CCDC85A: variants seen among roughly 807,000 people sequenced by gnomAD.
The protein encoded by CCDC85A is coiled-coil domain-containing protein 85A.
In CCDC85A, 38 loss-of-function variants were observed where a neutral mutation model predicts 50.2. That is an observed-to-expected ratio of 0.76 (90% CI 0.58 to 0.99). CCDC85A has a LOEUF of 0.99. Ranked by LOEUF, CCDC85A falls within the 50% of genes least tolerant of loss-of-function variation. The pLI, the probability that CCDC85A is intolerant of heterozygous loss-of-function variation, is 0.00. For missense variants in CCDC85A, 820 were observed against 742.0 expected, an observed-to-expected ratio of 1.11 and a Z score of -1.22; for synonymous variants, 366 against 301.4, an observed-to-expected ratio of 1.21 and a Z score of -2.22.
chr2:56,362,812 C>G (rs1573343777), intron 3 of CCDC85A, among the ~76,000 whole-genome samples: 4 of 151,744 alleles, frequency 2.6e-5, no homozygotes, highest in Admixed American at 2.0e-4. Context: ...TTAGTGGAGA[C>G]TGGGTTTTGC....
chr2:56,309,927 C>T (rs778171396), intron 2 of CCDC85A, among the ~76,000 whole-genome samples: 3 of 152,006 alleles, frequency 2.0e-5, no homozygotes, highest in Admixed American at 1.3e-4. Flanking sequence ...GCACTTTGCC[C>T]GAGAGAGAAA....
At chr2:56,306,404 A>C (rs1203231573) in intron 2 of CCDC85A, among the ~76,000 whole-genome samples, 1 of 152,156 alleles carries the variant, frequency 6.6e-6, no homozygotes, top group Non-Finnish European at 1.5e-5. Flanking sequence ...CTGAGATTAC[A>C]GGTGTAAGCC....
intron 2 of CCDC85A, among the ~76,000 whole-genome samples, chr2:56,197,410 A>G (rs1291947445): frequency 1.3e-5 from 2 of 152,040 alleles, no homozygotes; most frequent in Non-Finnish European, 2.9e-5. Context: ...CTGGTTCAAA[A>G]CCATTGCTTT....
chr2:56,293,713 A>G (rs1037713955), intron 2 of CCDC85A, among the ~76,000 whole-genome samples: 4 of 152,216 alleles, frequency 2.6e-5, no homozygotes, highest in African/African-American at 9.6e-5. Flanking sequence ...AAAGCTCAAC[A>G]TCACTGATCA....
chr2:56,301,025 A>G (rs893519712), intron 2 of CCDC85A, among the ~76,000 whole-genome samples: 5 of 152,158 alleles, frequency 3.3e-5, no homozygotes, highest in African/African-American at 9.7e-5. Flanking sequence ...GGAAAGAGTG[A>G]TATTACACTT....
At chr2:56,362,532 T>A (rs1427094109) in intron 3 of CCDC85A, among the ~76,000 whole-genome samples, 3 of 151,938 alleles carry the variant, frequency 2.0e-5, no homozygotes, top group African/African-American at 7.2e-5. Context: ...CCCCAAGATT[T>A]AAAGATGGAG....
At chr2:56,369,734 T>G (rs576057316) in intron 3 of CCDC85A, among the ~76,000 whole-genome samples, 2 of 152,208 alleles carry the variant, frequency 1.3e-5, no homozygotes, top group South Asian at 4.1e-4. Flanking sequence ...GCCTGGTGAG[T>G]GAGAAGTACA....
At chr2:56,278,004 A>C (rs1474052882) in intron 2 of CCDC85A, among the ~76,000 whole-genome samples, 1 of 152,208 alleles carries the variant, frequency 6.6e-6, no homozygotes. Flanking sequence ...GCATGTGTGA[A>C]CATGGGGGAG....
At chr2:56,251,042 C>T (rs1163359580) in intron 2 of CCDC85A, among the ~76,000 whole-genome samples, 2 of 152,024 alleles carry the variant, frequency 1.3e-5, no homozygotes, top group East Asian at 3.9e-4. Flanking sequence ...TTATACGTTT[C>T]TGGTCTGACA....
At chr2:56,370,618 T>C (rs1676024459) in intron 3 of CCDC85A, among the ~76,000 whole-genome samples, 1 of 152,130 alleles carries the variant, frequency 6.6e-6, no homozygotes, top group Non-Finnish European at 1.5e-5. Flanking sequence ...AGTATAGCTA[T>C]TGTTTTATGT....
intron 3 of CCDC85A, among the ~76,000 whole-genome samples, chr2:56,366,801 A>G (rs138776758): frequency 2.6e-5 from 4 of 152,324 alleles, no homozygotes; most frequent in Admixed American, 6.5e-5. Flanking sequence ...GAGTCTGTAC[A>G]TAGGCTACAA....
intron 2 of CCDC85A, among the ~76,000 whole-genome samples, chr2:56,282,390 G>A (rs1199187482): frequency 6.6e-6 from 1 of 152,160 alleles, no homozygotes; most frequent in Non-Finnish European, 1.5e-5. Context: ...ACAATTTGAG[G>A]TCAAGTATAT....
intron 3 of CCDC85A, among the ~76,000 whole-genome samples, chr2:56,365,489 C>G (rs1007782656): frequency 2.6e-5 from 4 of 152,102 alleles, no homozygotes; most frequent in African/African-American, 9.7e-5. Flanking sequence ...CTAGGATCAT[C>G]TGGATCTCTC....
Position 56,294,083 on chromosome 2 carries a change from A to G in CCDC85A, c.1241-48796A>G, listed in dbSNP as rs150069324. 2.0e-3 allele frequency among the ~76,000 whole-genome samples: 298 copies of G among 152,316 alleles called. 1 individual carries two copies. Among genetic ancestry groups the G allele is most frequent in the African/African-American group, 6.6e-3 (273 of 41,588 alleles). On this transcript the variant is annotated intron_variant, in intron 2 of 5. Transcript: ENST00000407595. ...ATGCCCATCAATGATAGAGTGGGTA[A>G]AGAAAATGGAATATTGTGCAACCAT...
intron 3 of CCDC85A, among the ~76,000 whole-genome samples, chr2:56,346,481 CT>C (rs774056576): frequency 3.2e-4 from 49 of 152,284 alleles, no homozygotes; most frequent in South Asian, 1.0e-3. Flanking sequence ...ACAGGAAGTG[CT>C]GATGGAGCCT....
At chr2:56,216,018 G>A (rs1677380302) in intron 2 of CCDC85A, among the ~76,000 whole-genome samples, 1 of 151,924 alleles carries the variant, frequency 6.6e-6, no homozygotes, top group Non-Finnish European at 1.5e-5. Flanking sequence ...TTGCACTACA[G>A]TGGCAGAGTT....
In CCDC85A at chr2:56,364,763, A is replaced by T. The variant is rs184058701; in HGVS notation, c.1318-7581A>T. 1.5e-4 allele frequency among the ~76,000 whole-genome samples: 23 copies of T among 152,330 alleles called. 1 individual carries two copies. In the East Asian group the frequency reaches 3.7e-3, roughly 24 times the overall value. On this transcript the variant is annotated intron_variant, in intron 3 of 5. Coordinates refer to ENST00000407595, the MANE Select transcript of CCDC85A (RefSeq NM_001080433.2). Reference sequence around the variant, plus strand: ...CACTGCCTACATTCAAATAGACATTAAAGTTCATAGGGTCTTGCCCTCTAA... The same window carrying T: ...CACTGCCTACATTCAAATAGACATTTAAGTTCATAGGGTCTTGCCCTCTAA...
chr2:56,204,697 G>A (rs560788223), intron 2 of CCDC85A, among the ~76,000 whole-genome samples: 66 of 152,294 alleles, frequency 4.3e-4, no homozygotes, highest in Admixed American at 1.2e-3. Context: ...GGAGCAATGA[G>A]GATATGTTTG....
intron 3 of CCDC85A, among the ~76,000 whole-genome samples, chr2:56,356,240 G>C (rs530894124): frequency 3.9e-4 from 60 of 152,318 alleles, no homozygotes; most frequent in Non-Finnish European, 7.2e-4. Context: ...AGAAGCTACA[G>C]TTAAAATTTG....
Sources: allele counts gnomAD v4.1 joint callset (sites outside exome capture counted in the v4.1 genomes callset), GRCh38; gene constraint gnomAD v4.1.1; transcripts MANE v1.5; gene names NCBI Gene and HGNC (gene_info 2026-07-23, HGNC 2026-07-21).